WDFY4: variants seen among roughly 807,000 people sequenced by gnomAD.
The protein encoded by WDFY4 is WD repeat- and FYVE domain-containing protein 4.
WDFY4 carries 169 observed loss-of-function variants against 351.9 expected under a neutral mutation model. The observed-to-expected ratio is 0.48, with a 90% CI of 0.42 to 0.55. The LOEUF (loss-of-function observed/expected upper bound fraction) is 0.55. WDFY4 is among the 20% of genes least tolerant of loss of function. The pLI, the probability that WDFY4 is intolerant of heterozygous loss-of-function variation, is 0.00. For missense variants in WDFY4, 3,803 were observed against 3,935.6 expected (o/e 0.97, Z 0.90); for synonymous variants, 1,622 against 1,574.6 (o/e 1.03, Z -0.71).
chr10:48,701,866 G>A (rs1441811496), intron 1 of WDFY4, among the ~76,000 whole-genome samples: 1 of 152,098 alleles, frequency 6.6e-6, no homozygotes, highest in Admixed American at 6.5e-5. Flanking sequence ...CTACTATAAA[G>A]TGAGCTCTCA....
intron 7 of WDFY4, among the ~76,000 whole-genome samples, chr10:48,727,995 T>C (rs2064326204): frequency 2.0e-5 from 3 of 152,006 alleles, no homozygotes; most frequent in Admixed American, 2.0e-4. Flanking sequence ...GCTGGAAAGG[T>C]CTGGAAATGA....
intron 44 of WDFY4, among the ~76,000 whole-genome samples, chr10:48,894,024 T>C (rs776938938): frequency 1.3e-5 from 2 of 152,088 alleles, no homozygotes; most frequent in African/African-American, 2.4e-5. Flanking sequence ...ACATGTAGGG[T>C]GTAGTATTGT....
At chr10:48,972,427 G>T (rs556155879) in intron 57 of WDFY4, among the ~76,000 whole-genome samples, 43 of 152,222 alleles carry the variant, frequency 2.8e-4, no homozygotes, top group African/African-American at 9.6e-4. Context: ...ATATCTTTCT[G>T]ATCATTGTGT....
At chr10:48,788,784 G>T in intron 21 of WDFY4, 109 bp downstream of exon 21, 1 of 1,340,124 alleles carries the variant, frequency 7.5e-7, no homozygotes. Context: ...TTGTGTAGAT[G>T]GATACACAAA....
intron 12 of WDFY4, among the ~76,000 whole-genome samples, chr10:48,753,175 A>G (rs2065235910): frequency 6.6e-6 from 1 of 152,054 alleles, no homozygotes; most frequent in Non-Finnish European, 1.5e-5. Context: ...TTTGGGGGAA[A>G]CGTCTATTCA....
At chr10:48,866,531 C>T (rs1487403775) in intron 39 of WDFY4, among the ~76,000 whole-genome samples, 1 of 152,192 alleles carries the variant, frequency 6.6e-6, no homozygotes, top group Non-Finnish European at 1.5e-5. Context: ...TGAAAATTTG[C>T]ATGTATCTCA....
At position 48,977,425 on chromosome 10, in the gene WDFY4, TCATCCATCCATCCATC is replaced by T. The variant is rs371807944; in HGVS notation, c.9291+474_9291+489del. ...TCCATCTCTCTATCCACCCATCCAC[TCATCCATCCATCCATC>T]CATCCATCCATCCATCCATCCATCC... On this transcript the variant is annotated intron_variant, in intron 59 of 61. Transcript: ENST00000325239. Among the ~76,000 whole-genome samples, 7 of 150,124 alleles carry T rather than the reference TCATCCATCCATCCATC, an allele frequency of 4.7e-5. No individual in the cohort carries two copies. The East Asian group carries it at 5.8e-4, about 13-fold the overall frequency.
chr10:48,832,235 A>AC (rs2068214281), intron 38 of WDFY4, among the ~76,000 whole-genome samples: 1 of 152,166 alleles, frequency 6.6e-6, no homozygotes, highest in African/African-American at 2.4e-5. Flanking sequence ...AATATTCATG[A>AC]CCCCTCAACT....
At chr10:48,734,109 G>C in intron 10 of WDFY4, 74 bp downstream of exon 10, 12 of 1,327,274 alleles carry the variant, frequency 9.0e-6, no homozygotes, top group Non-Finnish European at 1.2e-5. Flanking sequence ...TTATGGCAGT[G>C]TTCACAGGTT....
chr10:48,806,196 A>C, intron 27 of WDFY4, 101 bp downstream of exon 27: 1 of 1,177,506 alleles, frequency 8.5e-7, no homozygotes, highest in East Asian at 2.6e-5. Flanking sequence ...AGGAAGGGGA[A>C]GGCACCCACA....
At position 48,788,032 on chromosome 10, in the gene WDFY4, T is replaced by TCCTTCTCCTTCTCCTTCTCCTTCTCCTTC. The variant is rs1565199619; in HGVS notation, c.3809-498_3809-497insCCTTCTCCTTCTCCTTCTCCTTCTCCTTC. Among the ~76,000 whole-genome samples the TCCTTCTCCTTCTCCTTCTCCTTCTCCTTC allele has an allele frequency of 8.3e-5, 8 of 96,092 alleles. 1 individual carries two copies. Among genetic ancestry groups the TCCTTCTCCTTCTCCTTCTCCTTCTCCTTC allele is most frequent in the African/African-American group, 3.5e-4 (7 of 20,234 alleles). 63.0% of individuals were successfully genotyped at this position (96,092 alleles called of 152,430 possible). A position where few individuals can be genotyped will look rare whatever the true frequency, so the allele number is the denominator to read the frequency against. On this transcript the variant is annotated intron_variant, in intron 20 of 61. Transcript: ENST00000325239. ...TCTCCTTCTCCTTCTCCTTCTCCTT[T>TCCTTCTCCTTCTCCTTCTCCTTCTCCTTC]TCCTTCTTCTTCTTCGACAGAGTCT...
intron 47 of WDFY4, chr10:48,913,840 TGTTGCTGAC>T: frequency 1.9e-6 from 3 of 1,614,142 alleles, no homozygotes; most frequent in Non-Finnish European, 1.7e-6. Context: ...GTCAGCCGGT[TGTTGCTGAC>T]GTTGAGGTAG....
intron 23 of WDFY4, among the ~76,000 whole-genome samples, chr10:48,796,086 G>T (rs916720597): frequency 6.6e-6 from 1 of 152,190 alleles, no homozygotes; most frequent in African/African-American, 2.4e-5. Flanking sequence ...TGGAAAAGAT[G>T]CAGGGAAAAG....
At chr10:48,781,494 C>T (rs1469652326) in intron 19 of WDFY4, among the ~76,000 whole-genome samples, 1 of 152,082 alleles carries the variant, frequency 6.6e-6, no homozygotes, top group African/African-American at 2.4e-5. Flanking sequence ...CGGGGTTTCA[C>T]CAGGCTGGCC....
intron 30 of WDFY4, 38 bp downstream of exon 30, chr10:48,811,746 T>A: frequency 1.3e-6 from 2 of 1,543,352 alleles, no homozygotes; most frequent in Non-Finnish European, 1.8e-6. Context: ...ACACACTTGG[T>A]TTTCTGATTC....
chr10:48,717,378 C>A (rs77620279), intron 2 of WDFY4, among the ~76,000 whole-genome samples: 6,273 of 152,168 alleles, frequency 0.041, 219 homozygotes, highest in East Asian at 0.14. Context: ...AAATGCCAAC[C>A]AAGTCTATTT....
chr10:48,830,936 C>T, intron 38 of WDFY4, 51 bp downstream of exon 38: 16 of 1,519,468 alleles, frequency 1.1e-5, no homozygotes, highest in Middle Eastern at 1.8e-4. Flanking sequence ...TCTCACAGAG[C>T]CAGACTCCCG....
At chr10:48,724,585 C>T (rs185931991) in intron 5 of WDFY4, among the ~76,000 whole-genome samples, 41 of 152,236 alleles carry the variant, frequency 2.7e-4, no homozygotes, top group Non-Finnish European at 5.0e-4. Flanking sequence ...GGTCTGTCTT[C>T]GAGGTCTTCT....
intron 39 of WDFY4, among the ~76,000 whole-genome samples, chr10:48,841,881 C>T (rs1346115741): frequency 6.6e-6 from 1 of 152,188 alleles, no homozygotes; most frequent in Non-Finnish European, 1.5e-5. Context: ...GTCTCCATAG[C>T]TTTCATTTTT....
Sources: allele counts gnomAD v4.1 joint callset (sites outside exome capture counted in the v4.1 genomes callset), GRCh38; gene constraint gnomAD v4.1.1; transcripts MANE v1.5; gene names NCBI Gene and HGNC (gene_info 2026-07-23, HGNC 2026-07-21).